SLC9A7: variants seen among roughly 807,000 people sequenced by gnomAD.
SLC9A7 encodes sodium/hydrogen exchanger 7.
In SLC9A7, 19 loss-of-function variants were observed where a neutral mutation model predicts 52.6. The observed-to-expected ratio is 0.36, with a 90% CI of 0.25 to 0.53. The LOEUF is 0.53. Ranked by LOEUF, SLC9A7 falls within the 20% of genes least tolerant of loss-of-function variation. The pLI is 0.91. For missense variants in SLC9A7, 455 were observed against 597.9 expected, an observed-to-expected ratio of 0.76 and a Z score of 2.49; for synonymous variants, 226 against 252.1, an observed-to-expected ratio of 0.90 and a Z score of 0.98.
chrX:46,669,210 T>C (rs1943979132), intron 5 of SLC9A7, among the ~76,000 whole-genome samples: 1 of 108,487 alleles, frequency 9.2e-6, no homozygotes, highest in African/African-American at 3.4e-5. Context: ...AAATTTTATG[T>C]CAGGCATTTT....
chrX:46,627,903 CA>C (rs937745039), intron 14 of SLC9A7, among the ~76,000 whole-genome samples: 4 of 108,272 alleles, frequency 3.7e-5, no homozygotes, highest in Admixed American at 2.0e-4. Context: ...CAAAAACAAA[CA>C]AAAAAAAACA....
chrX:46,675,015 G>A (rs1474768215), intron 3 of SLC9A7, among the ~76,000 whole-genome samples: 1 of 109,604 alleles, frequency 9.1e-6, no homozygotes, highest in Non-Finnish European at 1.9e-5. Context: ...TATTGTATAT[G>A]TGTGTGTGAG....
At chrX:46,623,791 G>T (rs1943080982) in intron 14 of SLC9A7, among the ~76,000 whole-genome samples, 1 of 111,930 alleles carries the variant, frequency 8.9e-6, no homozygotes, top group Non-Finnish European at 1.9e-5. Flanking sequence ...AAAACCCTTG[G>T]AATTTCCTGA....
chrX:46,625,474 C>G (rs1360726501), intron 14 of SLC9A7, among the ~76,000 whole-genome samples: 1 of 110,883 alleles, frequency 9.0e-6, no homozygotes, highest in Non-Finnish European at 1.9e-5. Context: ...CTTTGGGAGG[C>G]TGAGGTGGGC....
intron 11 of SLC9A7, among the ~76,000 whole-genome samples, chrX:46,646,063 G>A (rs1423709186): frequency 1.8e-5 from 2 of 111,870 alleles, no homozygotes; most frequent in Non-Finnish European, 3.8e-5. Context: ...TTTGGGGTCA[G>A]GGAGGAAACT....
chrX:46,676,170 C>A (rs1043125495), intron 3 of SLC9A7, among the ~76,000 whole-genome samples: 1 of 111,128 alleles, frequency 9.0e-6, no homozygotes, highest in African/African-American at 3.3e-5. Context: ...TGAAGCCAGG[C>A]AGTCAGAAGT....
chrX:46,633,352 A>AAAAAAAAAAAAAAAC, intron 13 of SLC9A7, among the ~76,000 whole-genome samples: 1 of 85,863 alleles, frequency 1.2e-5, no homozygotes, highest in African/African-American at 4.3e-5. Context: ...AAAAAAAAAA[A>AAAAAAAAAAAAAAAC]AAAAAAAAAA....
At chrX:46,679,803 T>C in intron 2 of SLC9A7, 48 bp from the exon 3 acceptor site, 7 of 799,337 alleles carry the variant, frequency 8.8e-6, no homozygotes, top group Non-Finnish European at 1.3e-5. Context: ...TTAACTCCAA[T>C]TCATGCTATA....
chrX:46,711,424 GAA>G (rs1469184685), intron 1 of SLC9A7, among the ~76,000 whole-genome samples: 1 of 111,709 alleles, frequency 9.0e-6, no homozygotes, highest in Admixed American at 9.5e-5. Flanking sequence ...ACGACACACA[GAA>G]AAGAGAGAAT....
chrX:46,676,701 TA>T (rs1944124185), intron 3 of SLC9A7, among the ~76,000 whole-genome samples: 1 of 111,823 alleles, frequency 8.9e-6, no homozygotes, highest in Admixed American at 9.5e-5. Flanking sequence ...TCCACTTACG[TA>T]AAAAATAACG....
chrX:46,615,950 A>G (rs980072185), intron 15 of SLC9A7, among the ~76,000 whole-genome samples: 4 of 110,364 alleles, frequency 3.6e-5, no homozygotes, highest in Non-Finnish European at 5.7e-5. Flanking sequence ...CTGGAGATAT[A>G]TAACATTTGC....
chrX:46,730,710 A>ATATATATATATATAT (rs1569524468), intron 1 of SLC9A7, among the ~76,000 whole-genome samples: 105 of 76,373 alleles, frequency 1.4e-3, no homozygotes, highest in Non-Finnish European at 2.2e-3. Context: ...ATATATATAT[A>ATATATATATATATAT]AAATGGATGA....
chrX:46,638,690 T>C (rs192500224), intron 12 of SLC9A7, among the ~76,000 whole-genome samples: 65 of 111,956 alleles, frequency 5.8e-4, no homozygotes, highest in African/African-American at 2.0e-3. Context: ...AAAAGCCCTA[T>C]AACTAATAAA....
intron 12 of SLC9A7, among the ~76,000 whole-genome samples, chrX:46,640,214 A>G (rs1482104160): frequency 4.4e-5 from 5 of 112,397 alleles, no homozygotes; most frequent in Admixed American, 1.9e-4. Context: ...TTGGAAGGAT[A>G]GACACATAAA....
intron 4 of SLC9A7, among the ~76,000 whole-genome samples, chrX:46,672,201 G>A (rs560429795): frequency 9.0e-6 from 1 of 111,386 alleles, no homozygotes; most frequent in South Asian, 3.8e-4. Flanking sequence ...TTGTCTGTCT[G>A]TTTTCTGAGT....
intron 1 of SLC9A7, among the ~76,000 whole-genome samples, chrX:46,705,144 G>A (rs996854661): frequency 1.8e-5 from 2 of 111,462 alleles, no homozygotes; most frequent in African/African-American, 6.5e-5. Context: ...CATGGCTGGA[G>A]CTAGCCCACA....
chrX:46,672,664 T>C (rs1266115679), intron 3 of SLC9A7, 37 bp from the exon 4 acceptor site: 1 of 1,028,719 alleles, frequency 9.7e-7, no homozygotes, highest in African/African-American at 1.8e-5. Context: ...AGGAATCACA[T>C]TGTGATTTTC....
chrX:46,614,823 G>A (rs1942918015), intron 15 of SLC9A7, among the ~76,000 whole-genome samples: 1 of 111,772 alleles, frequency 8.9e-6, no homozygotes, highest in African/African-American at 3.3e-5. Context: ...CTACAGGGAT[G>A]GCCAAGAGAC....
intron 5 of SLC9A7, among the ~76,000 whole-genome samples, chrX:46,668,509 A>G (rs1287155055): frequency 9.0e-6 from 1 of 111,504 alleles, no homozygotes; most frequent in Non-Finnish European, 1.9e-5. Context: ...CTCCATCTCA[A>G]AAACAAAACA....
Sources: gnomAD v4.1 joint callset for allele counts (sites outside exome capture counted in the v4.1 genomes callset) on GRCh38, gnomAD v4.1.1 for gene constraint, MANE v1.5 for transcripts, NCBI Gene and HGNC (gene_info 2026-07-23, HGNC 2026-07-21) for gene names.